The following KDELR2 variants were observed in gnomAD, a reference collection of about 807,000 sequenced individuals.
KDELR2 encodes KDEL endoplasmic reticulum protein retention receptor 2.
A neutral mutation model predicts 23.9 loss-of-function variants in KDELR2; 15 were observed. The observed-to-expected ratio is 0.63, with a 90% CI of 0.42 to 0.97. The LOEUF (loss-of-function observed/expected upper bound fraction) is 0.97. KDELR2 is among the 50% of genes least tolerant of loss of function. KDELR2 has a pLI of 0.00. For missense variants in KDELR2, 272 were observed against 254.6 expected, an observed-to-expected ratio of 1.07 and a Z score of -0.46; for synonymous variants, 119 against 106.2, an observed-to-expected ratio of 1.12 and a Z score of -0.74.
intron 3 of KDELR2, among the ~76,000 whole-genome samples, chr7:6,467,372 A>C (rs1249668416): frequency 6.6e-6 from 1 of 152,206 alleles, no homozygotes; most frequent in Non-Finnish European, 1.5e-5. Context: ...AAGGGGTAGA[A>C]GTCACAACTG....
intron 3 of KDELR2, among the ~76,000 whole-genome samples, chr7:6,468,121 T>C (rs1361156356): frequency 2.6e-5 from 4 of 152,194 alleles, no homozygotes; most frequent in Admixed American, 6.5e-5. Flanking sequence ...CAGTTTCAAG[T>C]TTCTATTTCA....
intron 1 of KDELR2, chr7:6,482,675 C>G: frequency 2.7e-6 from 1 of 373,898 alleles, no homozygotes; most frequent in South Asian, 1.9e-5. Context: ...GTCTCTGCAC[C>G]CAGATAATTC....
At chr7:6,464,249 G>C (rs906385566) in intron 4 of KDELR2, among the ~76,000 whole-genome samples, 5 of 131,486 alleles carry the variant, frequency 3.8e-5, no homozygotes, top group African/African-American at 1.1e-4. Flanking sequence ...AGCTAGGCGT[G>C]GTGGCTCACG....
Position 6,484,129 on chromosome 7 carries a change from C to T in KDELR2, c.-72G>A. 1 of 1,177,592 alleles carries T rather than the reference C, an allele frequency of 8.5e-7. No individual in the cohort carries two copies. The highest frequency in any genetic ancestry group is 4.4e-5 in the Admixed American group (1 of 22,798). The allele number at this position is 1,177,592 out of a possible 1,614,324, so 72.9% of individuals were successfully genotyped here. ...TGGGCGGCTCAGGAGGCGGCGGCCCCTGAGAGGAAGCGGCGAAGATGGCGA... is the reference window on the plus strand; with the variant it reads ...TGGGCGGCTCAGGAGGCGGCGGCCCTTGAGAGGAAGCGGCGAAGATGGCGA... On this transcript the variant is annotated 5_prime_UTR_variant, in exon 1 of 5. Transcript: ENST00000258739.
chr7:6,462,945 A>G lies in KDELR2; in HGVS notation c.*196T>C. The G allele has an allele frequency of 6.3e-7, 1 of 1,590,212 alleles. No individual in the cohort carries two copies. The highest frequency in any genetic ancestry group is 8.5e-7 in the Non-Finnish European group (1 of 1,169,676). ...AAAAAATCTTTGTACACAGTAATAAAAAAAGATAAGGCAAGATGCATTAAA... is the reference window on the plus strand; with the variant it reads ...AAAAAATCTTTGTACACAGTAATAAGAAAAGATAAGGCAAGATGCATTAAA... On this transcript the variant is annotated 3_prime_UTR_variant, in exon 5 of 5. Coordinates refer to ENST00000258739, the MANE Select transcript of KDELR2 (RefSeq NM_006854.4).
chr7:6,484,070 G>C lies in KDELR2; in HGVS notation c.-13C>G. On this transcript the variant is annotated 5_prime_UTR_variant, in exon 1 of 5. Coordinates refer to ENST00000258739, the MANE Select transcript of KDELR2 (RefSeq NM_006854.4). ...GGAAAATGTTCATGGCGGCGGCGGC[G>C]GTGGCGGTCGGCGCAGCGCGGCGGC... 3 of 1,476,856 alleles carry C rather than the reference G, an allele frequency of 2.0e-6. No homozygotes were observed. The highest frequency in any genetic ancestry group is 2.7e-6 in the Non-Finnish European group (3 of 1,108,320). 91.5% of individuals were successfully genotyped at this position (1,476,856 alleles called of 1,614,324 possible). A position where few individuals can be genotyped will look rare whatever the true frequency, so the allele number is the denominator to read the frequency against.
At position 6,461,611 on chromosome 7, in the gene KDELR2, A is replaced by G. The variant is rs1196113809; in HGVS notation, c.*1530T>C. The G allele has an allele frequency of 6.6e-6, 1 of 151,756 alleles. No homozygotes were observed. Among genetic ancestry groups the G allele is most frequent in the East Asian group, 1.9e-4 (1 of 5,192 alleles). 9.4% of individuals were successfully genotyped at this position (151,756 alleles called of 1,614,324 possible). On this transcript the variant is annotated 3_prime_UTR_variant, in exon 5 of 5. Transcript: ENST00000258739. Reference sequence around the variant, plus strand: ...GAAGAGTAAAATGAGGGAGACAGACAGGAAGTTAAACTATGCAGTTACACT... The same window carrying G: ...GAAGAGTAAAATGAGGGAGACAGACGGGAAGTTAAACTATGCAGTTACACT...
Position 6,469,443 on chromosome 7 carries a change from G to A in KDELR2, c.351+153C>T, listed in dbSNP as rs1785579417. ...GCTAATTTTTTGTATTTTTAGTAGA[G>A]ACGGTGTTGCACCATGTTGGCCAGG... On this transcript the variant is annotated intron_variant, in intron 3 of 4. Coordinates refer to ENST00000258739, the MANE Select transcript of KDELR2 (RefSeq NM_006854.4). Among the ~76,000 whole-genome samples the A allele has an allele frequency of 2.0e-5, 3 of 152,088 alleles. No homozygotes were observed. In the South Asian group the frequency reaches 6.2e-4, roughly 32 times the overall value.
intron 4 of KDELR2, 130 bp downstream of exon 4, chr7:6,465,941 A>C: frequency 7.3e-5 from 63 of 864,162 alleles, no homozygotes; most frequent in Non-Finnish European, 1.0e-4. Context: ...CCAGAATGTT[A>C]TTGGCCAATC....
chr7:6,469,895 A>G (rs911408642), intron 2 of KDELR2, 141 bp from the exon 3 acceptor site: 11 of 685,726 alleles, frequency 1.6e-5, no homozygotes, highest in Non-Finnish European at 2.5e-5. Flanking sequence ...ACTTAAATAT[A>G]GTAAAATTCT....
At chr7:6,477,152 G>A (rs964637591) in intron 1 of KDELR2, among the ~76,000 whole-genome samples, 1 of 152,210 alleles carries the variant, frequency 6.6e-6, no homozygotes, top group Non-Finnish European at 1.5e-5. Context: ...TAGCTAGAGG[G>A]TGAGAGAGCC....
chr7:6,482,599 G>C, intron 1 of KDELR2: 2 of 470,306 alleles, frequency 4.3e-6, no homozygotes, highest in South Asian at 3.1e-5. Context: ...CCTGCAGACA[G>C]CAGATTCAGA....
In KDELR2 at chr7:6,463,090, A is replaced by T; in HGVS notation, c.*51T>A. 6.2e-7 allele frequency: 1 copy of T among 1,614,186 alleles called. No individual in the cohort carries two copies. Among genetic ancestry groups the T allele is most frequent in the Non-Finnish European group, 8.5e-7 (1 of 1,180,038 alleles). Reference sequence around the variant, plus strand: ...CATCTTATGCCTTTGCTGTGGTAAGAATTCTGTCCGAGCACCCTGAAGGAC... The same window carrying T: ...CATCTTATGCCTTTGCTGTGGTAAGTATTCTGTCCGAGCACCCTGAAGGAC... On this transcript the variant is annotated 3_prime_UTR_variant, in exon 5 of 5. Coordinates refer to ENST00000258739, the MANE Select transcript of KDELR2 (RefSeq NM_006854.4).
At chr7:6,465,385 G>C (rs991970986) in intron 4 of KDELR2, among the ~76,000 whole-genome samples, 1 of 151,366 alleles carries the variant, frequency 6.6e-6, no homozygotes, top group Non-Finnish European at 1.5e-5. Context: ...GGGGTTTCAC[G>C]TGTTAGCCAG....
Position 6,482,191 on chromosome 7 carries a change from G to T in KDELR2, c.91+1776C>A, listed in dbSNP as rs561254141. Among the ~76,000 whole-genome samples the T allele has an allele frequency of 3.9e-5, 6 of 152,042 alleles. No individual in the cohort carries two copies. In the East Asian group the frequency reaches 7.7e-4, roughly 20 times the overall value. On this transcript the variant is annotated intron_variant, in intron 1 of 4. Transcript: ENST00000258739. ...CTAATTTTGTATTTTTAGTAGAGAC[G>T]GGGTTTCTCCATGTTGAGGCTGGTC... is the stretch of plus-strand genomic sequence containing the variant.
chr7:6,464,163 C>T (rs1360382463), intron 4 of KDELR2, among the ~76,000 whole-genome samples: 2 of 120,222 alleles, frequency 1.7e-5, no homozygotes, highest in South Asian at 5.4e-4. Context: ...TACCATTGCA[C>T]TCCAGCCTGG....
At chr7:6,469,781 T>G in intron 2 of KDELR2, 27 bp from the exon 3 acceptor site, 1 of 1,583,412 alleles carries the variant, frequency 6.3e-7, no homozygotes, top group Middle Eastern at 1.7e-4. Context: ...AAACACCAGG[T>G]GTCAATACCT....
At position 6,461,407 on chromosome 7, in the gene KDELR2, A is replaced by AC. The variant is rs2115318610; in HGVS notation, c.*1733dup. 6.6e-6 allele frequency: 1 copy of AC among 151,958 alleles called. No individual in the cohort carries two copies. The highest frequency in any genetic ancestry group is 1.9e-4 in the East Asian group (1 of 5,162). 9.4% of individuals were successfully genotyped at this position (151,958 alleles called of 1,614,324 possible). ...ATGCACAAAGACAGGTGTGCGCCCC[A>AC]CCCACCCTGGGCTGGGCAGCAAGAG... On this transcript the variant is annotated 3_prime_UTR_variant, in exon 5 of 5. Transcript: ENST00000258739.
chr7:6,472,186 A>G (rs1785660853), intron 2 of KDELR2, among the ~76,000 whole-genome samples: 1 of 152,218 alleles, frequency 6.6e-6, no homozygotes, highest in African/African-American at 2.4e-5. Context: ...ATCCATCTAC[A>G]CATGCACTGA....
Sources: allele counts gnomAD v4.1 joint callset (sites outside exome capture counted in the v4.1 genomes callset), GRCh38; gene constraint gnomAD v4.1.1; transcripts MANE v1.5; gene names NCBI Gene and HGNC (gene_info 2026-07-23, HGNC 2026-07-21).